Variants in COL8A1 observed in about 807,000 individuals in gnomAD.
The protein encoded by COL8A1 is collagen alpha-1(VIII) chain.
In COL8A1, 21 loss-of-function variants were observed where a neutral mutation model predicts 42.7. That is an observed-to-expected ratio of 0.49 (90% confidence interval 0.35 to 0.71). The LOEUF (loss-of-function observed/expected upper bound fraction) is 0.71. Ranked by LOEUF, COL8A1 falls within the 30% of genes least tolerant of loss-of-function variation. COL8A1 has a pLI of 0.01. For missense variants in COL8A1, 788 were observed against 962.4 expected, an observed-to-expected ratio of 0.82 and a Z score of 2.40; for synonymous variants, 367 against 369.1, an observed-to-expected ratio of 0.99 and a Z score of 0.06.
chr3:99,774,525 C>T (rs578184463), intron 2 of COL8A1, among the ~76,000 whole-genome samples: 14 of 152,054 alleles, frequency 9.2e-5, no homozygotes, highest in Non-Finnish European at 1.9e-4. Flanking sequence ...CAGAAGAAGC[C>T]TAATCACATG....
At chr3:99,729,647 G>T (rs557673773) in intron 1 of COL8A1, among the ~76,000 whole-genome samples, 1 of 151,894 alleles carries the variant, frequency 6.6e-6, no homozygotes, top group Non-Finnish European at 1.5e-5. Flanking sequence ...TTTAGAAATG[G>T]ATGTCATAAT....
chr3:99,689,050 C>A (rs1015930884), intron 1 of COL8A1, among the ~76,000 whole-genome samples: 2 of 152,128 alleles, frequency 1.3e-5, no homozygotes, highest in African/African-American at 2.4e-5. Context: ...CAGAAAGCAG[C>A]CAAATTATTG....
intron 1 of COL8A1, among the ~76,000 whole-genome samples, chr3:99,737,282 G>A (rs578237876): frequency 8.6e-5 from 13 of 151,846 alleles, no homozygotes; most frequent in African/African-American, 2.9e-4. Context: ...GATGTTAGCT[G>A]GTTATGTTGC....
intron 2 of COL8A1, among the ~76,000 whole-genome samples, chr3:99,772,141 T>A (rs116724483): frequency 6.6e-6 from 1 of 152,288 alleles, no homozygotes; most frequent in Middle Eastern, 3.4e-3. Flanking sequence ...GGAATATTAT[T>A]GAGTGCTAAA....
At chr3:99,792,504 A>T (rs1002205835) in intron 3 of COL8A1, among the ~76,000 whole-genome samples, 8 of 152,246 alleles carry the variant, frequency 5.3e-5, no homozygotes, top group African/African-American at 1.9e-4. Context: ...CAGCATGTTC[A>T]TTATAACAGC....
intron 2 of COL8A1, among the ~76,000 whole-genome samples, chr3:99,785,669 G>T (rs187928624): frequency 3.9e-5 from 6 of 152,268 alleles, no homozygotes; most frequent in Admixed American, 3.3e-4. Context: ...GGTCACTAGG[G>T]TGACCAGTGT....
At chr3:99,743,356 A>G (rs1259059507) in intron 1 of COL8A1, among the ~76,000 whole-genome samples, 1 of 152,226 alleles carries the variant, frequency 6.6e-6, no homozygotes, top group Non-Finnish European at 1.5e-5. Flanking sequence ...CTAAATATCT[A>G]CAAGTTGAGC....
In COL8A1 at chr3:99,795,605, A is replaced by G. The variant is rs1295137693; in HGVS notation, c.1704A>G (p.Pro568=). 1 of 1,612,250 alleles carries G rather than the reference A, an allele frequency of 6.2e-7. No homozygotes were observed. ...LPGPPGPPGP[P]GPPAVMPPTP... The stretch of plus-strand genomic sequence containing the variant: ...GACCCCCAGGCCCTCCAGGACCTCC[A>G]GGACCCCCAGCTGTGATGCCCCCTA... Residue 568 remains proline, a synonymous_variant, in exon 4 of 4, where the codon CCA becomes CCG. Transcript: ENST00000652472.
At chr3:99,723,544 T>G (rs1454510412) in intron 1 of COL8A1, among the ~76,000 whole-genome samples, 1 of 152,152 alleles carries the variant, frequency 6.6e-6, no homozygotes, top group Non-Finnish European at 1.5e-5. Context: ...AATGTTCAAT[T>G]GTAATACATT....
chr3:99,652,471 T>C (rs1288829794), intron 1 of COL8A1, among the ~76,000 whole-genome samples: 1 of 152,190 alleles, frequency 6.6e-6, no homozygotes, highest in African/African-American at 2.4e-5. Context: ...ATCATTAATA[T>C]CGTGAGTGTT....
At chr3:99,661,631 A>G (rs985958905) in intron 1 of COL8A1, among the ~76,000 whole-genome samples, 5 of 152,248 alleles carry the variant, frequency 3.3e-5, no homozygotes, top group African/African-American at 1.2e-4. Flanking sequence ...TATGCTCCAA[A>G]GAACTGAAAG....
intron 1 of COL8A1, among the ~76,000 whole-genome samples, chr3:99,651,991 G>A (rs1191921967): frequency 2.6e-5 from 4 of 152,202 alleles, no homozygotes; most frequent in Non-Finnish European, 1.5e-5. Context: ...CTTGTAAAAT[G>A]TTTACAAATT....
chr3:99,741,876 G>A (rs1200818623), intron 1 of COL8A1, among the ~76,000 whole-genome samples: 1 of 152,148 alleles, frequency 6.6e-6, no homozygotes, highest in Non-Finnish European at 1.5e-5. Flanking sequence ...GAACACAGAG[G>A]AGAAACAAAG....
At chr3:99,792,330 C>T (rs1942016823) in intron 3 of COL8A1, among the ~76,000 whole-genome samples, 1 of 152,100 alleles carries the variant, frequency 6.6e-6, no homozygotes, top group Non-Finnish European at 1.5e-5. Flanking sequence ...GTATTTTATT[C>T]TCTGACAGTA....
chr3:99,722,979 T>G (rs1235475317), intron 1 of COL8A1, among the ~76,000 whole-genome samples: 1 of 149,244 alleles, frequency 6.7e-6, no homozygotes, highest in Non-Finnish European at 1.5e-5. Flanking sequence ...TATCTTATCT[T>G]GAGAAAAAAA....
intron 1 of COL8A1, among the ~76,000 whole-genome samples, chr3:99,656,382 G>A (rs1338327756): frequency 6.6e-6 from 1 of 151,926 alleles, no homozygotes; most frequent in Non-Finnish European, 1.5e-5. Context: ...TGATCAAAGT[G>A]GTTATCTAAA....
chr3:99,671,888 T>G (rs994243676), intron 1 of COL8A1, among the ~76,000 whole-genome samples: 24 of 152,002 alleles, frequency 1.6e-4, no homozygotes, highest in African/African-American at 5.8e-4. Context: ...ACAGAATAAC[T>G]CAAACTAGCC....
intron 1 of COL8A1, among the ~76,000 whole-genome samples, chr3:99,733,349 C>A (rs1460989923): frequency 7.1e-6 from 1 of 140,964 alleles, no homozygotes; most frequent in Non-Finnish European, 1.5e-5. Context: ...CTTCCTGTGT[C>A]CATGTGATCT....
chr3:99,762,094 T>G (rs1576466881), intron 2 of COL8A1, among the ~76,000 whole-genome samples: 1 of 152,202 alleles, frequency 6.6e-6, no homozygotes, highest in East Asian at 1.9e-4. Flanking sequence ...ATTAATATGA[T>G]CATATTTTCC....
Sources: gnomAD v4.1 joint callset for allele counts (sites outside exome capture counted in the v4.1 genomes callset) on GRCh38, gnomAD v4.1.1 for gene constraint, MANE v1.5 for transcripts, NCBI Gene and HGNC (gene_info 2026-07-23, HGNC 2026-07-21) for gene names.